The following RAB41 variants were observed in gnomAD, a reference collection of about 807,000 sequenced individuals.
RAB41 encodes the protein RAB41, member RAS oncogene family.
RAB41 carries 15 observed loss-of-function variants against 19.0 expected under a neutral mutation model. The ratio of observed to expected loss-of-function variants is 0.79; its 90% CI spans 0.53 to 1.21. The LOEUF (loss-of-function observed/expected upper bound fraction) is 1.21. Ranked by LOEUF, RAB41 falls within the 50% of genes most tolerant of loss-of-function variation. RAB41 has a pLI of 0.00. For synonymous variants in RAB41, 73 were observed against 64.7 expected, an observed-to-expected ratio of 1.13 and a Z score of -0.62; for missense variants, 177 against 179.7, an observed-to-expected ratio of 0.99 and a Z score of 0.09.
Position 70,282,347 on chromosome X carries a change from G to A in RAB41, c.124+6G>A, listed in dbSNP as rs756627314. ...ATTCCTGGGAGAGCAGAGCGGTGTG[G>A]GTCTGGGTTGGGCTTTGGGGACATG... On this transcript the variant is annotated splice_donor_region_variant and intron_variant, in intron 1 of 7. Transcript: ENST00000374473. 9 of 1,211,283 alleles carry A rather than the reference G, an allele frequency of 7.4e-6. No individual in the cohort carries two copies. Among genetic ancestry groups the A allele is most frequent in the Non-Finnish European group, 1.1e-6 (1 of 895,071 alleles).
Position 70,283,977 on chromosome X carries a change from A to C in RAB41, c.483A>C (p.Glu161Asp), listed in dbSNP as rs138151490. The part of the protein sequence containing the change: ...KRQVTAEQGE[E>D]KSRNLNVMFI... ...AAGTCACTGCAGAACAGGGTGAAGA[A>C]AAATCCAGAAACCTCAATGTGATGT... Residue 161 changes from glutamate to aspartate, a missense_variant, in exon 6 of 8, where the codon GAA becomes GAC. Coordinates refer to ENST00000374473, the MANE Select transcript of RAB41 (RefSeq NM_001363807.1). The C allele has an allele frequency of 9.9e-6, 12 of 1,207,176 alleles. No homozygotes were observed. Among genetic ancestry groups the C allele is most frequent in the Non-Finnish European group, 1.3e-5 (12 of 892,682 alleles).
intron 6 of RAB41, 29 bp downstream of exon 6, chrX:70,284,072 T>C: frequency 1.9e-6 from 2 of 1,061,114 alleles, no homozygotes; most frequent in Non-Finnish European, 2.6e-6. Flanking sequence ...TATGATACTT[T>C]AATTGTGCTC....
rs2085691781 is a variant in RAB41 at position 70,282,342 on chromosome X, G to C, written c.124+1G>C. 8.3e-7 allele frequency: 1 copy of C among 1,209,955 alleles called. No individual in the cohort carries two copies. Among genetic ancestry groups the C allele is most frequent in the Non-Finnish European group, 1.1e-6 (1 of 895,059 alleles). ...CTCTTATTCCTGGGAGAGCAGAGCG[G>C]TGTGGGTCTGGGTTGGGCTTTGGGG... is the stretch of plus-strand genomic sequence containing the variant. On this transcript the variant is annotated splice_donor_variant, in intron 1 of 7. Transcript: ENST00000374473. LOFTEE classifies it high-confidence loss of function.
intron 2 of RAB41, 55 bp downstream of exon 2, chrX:70,282,646 C>T (rs777026244): frequency 8.3e-5 from 94 of 1,127,067 alleles, no homozygotes; most frequent in Non-Finnish European, 1.1e-4. Flanking sequence ...TTGGCGGACT[C>T]ACCTGGAGAT....
rs769276079 is a variant in RAB41 at position 70,283,519 on chromosome X, A to G, written c.350A>G (p.Asn117Ser). ...GGAACATATTCTCTTGCAGACATCA[A>G]TTCTTTTAAGGAGACAGATAAGTGG... ...AVVVYDITNI[N>S]SFKETDKWVE... Residue 117 changes from asparagine (N) to serine (S), a missense_variant, in exon 5 of 8, where the codon AAT becomes AGT. Asn to Ser is a conservative substitution (Grantham distance 46, BLOSUM62 1). Coordinates refer to ENST00000374473, the MANE Select transcript of RAB41 (RefSeq NM_001363807.1). The G allele has an allele frequency of 7.5e-6, 9 of 1,200,321 alleles. No homozygotes were observed. Among genetic ancestry groups the G allele is most frequent in the African/African-American group, 5.3e-5 (3 of 57,122 alleles).
Position 70,284,780 on chromosome X carries a change from C to T in RAB41, c.*137C>T. 1.9e-6 allele frequency: 1 copy of T among 515,325 alleles called. No homozygotes were observed. The highest frequency in any genetic ancestry group is 3.4e-6 in the Non-Finnish European group (1 of 296,682). 42.5% of individuals were successfully genotyped at this position (515,325 alleles called of 1,213,427 possible). A position where few individuals can be genotyped will look rare whatever the true frequency, so the allele number is the denominator to read the frequency against. On this transcript the variant is annotated 3_prime_UTR_variant, in exon 8 of 8. Coordinates refer to ENST00000374473, the MANE Select transcript of RAB41 (RefSeq NM_001363807.1). ...TCCTAGGCTTGGGGTAAAAACAGAA[C>T]CCCTGAAAGTGCTATCATTTTTTCC...
chrX:70,282,753 A>G, intron 2 of RAB41, 49 bp from the exon 3 acceptor site: 2 of 1,166,918 alleles, frequency 1.7e-6, no homozygotes, highest in Non-Finnish European at 2.3e-6. Context: ...AGACTGCCTC[A>G]TATTGGGAAT....
At position 70,284,909 on chromosome X, in the gene RAB41, A is replaced by G; in HGVS notation, c.*266A>G. On this transcript the variant is annotated 3_prime_UTR_variant, in exon 8 of 8. Transcript: ENST00000374473. ...AGACATCTGTAGAGAATACAGTTCTACAGCAGCTGACATACTTCAAAGGCC... is the reference window on the plus strand; with the variant it reads ...AGACATCTGTAGAGAATACAGTTCTGCAGCAGCTGACATACTTCAAAGGCC... 1 of 377,385 alleles carries G rather than the reference A, an allele frequency of 2.6e-6. No homozygotes were observed. Among genetic ancestry groups the G allele is most frequent in the Non-Finnish European group, 4.7e-6 (1 of 214,284 alleles). 31.1% of individuals were successfully genotyped at this position (377,385 alleles called of 1,213,427 possible). A position where few individuals can be genotyped will look rare whatever the true frequency, so the allele number is the denominator to read the frequency against.
Position 70,284,714 on chromosome X carries a change from C to A in RAB41, c.*71C>A. 1 of 885,353 alleles carries A rather than the reference C, an allele frequency of 1.1e-6. No homozygotes were observed. 73.0% of individuals were successfully genotyped at this position (885,353 alleles called of 1,213,427 possible). On this transcript the variant is annotated 3_prime_UTR_variant, in exon 8 of 8. Coordinates refer to ENST00000374473, the MANE Select transcript of RAB41 (RefSeq NM_001363807.1). ...GGCTTGCCATACCAGTTCTCCTCCC[C>A]ACCTCGTTTTATGATACATGGCCAC...
chrX:70,284,748 T>G lies in RAB41; in HGVS notation c.*105T>G. ...TTATGATACATGGCCACTTACTCTC[T>G]TCCAATTCCTAGGCTTGGGGTAAAA... On this transcript the variant is annotated 3_prime_UTR_variant, in exon 8 of 8. Transcript: ENST00000374473. 1 of 629,577 alleles carries G rather than the reference T, an allele frequency of 1.6e-6. No individual in the cohort carries two copies. The highest frequency in any genetic ancestry group is 2.6e-6 in the Non-Finnish European group (1 of 380,745). The allele number at this position is 629,577 out of a possible 1,213,427, so 51.9% of individuals were successfully genotyped here.
chrX:70,282,572 G>A lies in RAB41; in HGVS notation c.164G>A (p.Ser55Asn). Residue 55 changes from serine (S) to asparagine (N), a missense_variant, in exon 2 of 8, where the codon AGC becomes AAC. Transcript: ENST00000374473. ...ATCATCAGCCGCTTCATGTACAACA[G>A]CTTCGGCTGCGCCTGCCAGGTAAGA... is the stretch of plus-strand genomic sequence containing the variant. ...TSIISRFMYN[S>N]FGCACQATVG... 5.0e-6 allele frequency: 6 copies of A among 1,210,847 alleles called. No individual in the cohort carries two copies. Among genetic ancestry groups the A allele is most frequent in the Non-Finnish European group, 6.7e-6 (6 of 894,808 alleles).
Position 70,283,985 on chromosome X carries a change from G to C in RAB41, c.491G>C (p.Arg164Thr). 1 of 1,209,417 alleles carries C rather than the reference G, an allele frequency of 8.3e-7. No homozygotes were observed. Among genetic ancestry groups the C allele is most frequent in the Non-Finnish European group, 1.1e-6 (1 of 893,402 alleles). The change falls in exon 6 of 8, where the codon AGA becomes ACA. Residue 164 changes from arginine to threonine, a missense_variant. Transcript: ENST00000374473. ...GCAGAACAGGGTGAAGAAAAATCCA[G>C]AAACCTCAATGTGATGTTTATTGAG... ...VTAEQGEEKS[R>T]NLNVMFIETS...
chrX:70,284,415 C>T (rs2085707041), intron 7 of RAB41, 86 bp downstream of exon 7: 7 of 1,046,037 alleles, frequency 6.7e-6, no homozygotes, highest in Non-Finnish European at 9.3e-6. Context: ...CTGAGTGGTA[C>T]CTAAGGGGAA....
rs1372375188 is a variant in RAB41, at chrX:70,284,913, C to T, written c.*270C>T. The T allele has an allele frequency of 2.7e-6, 1 of 374,695 alleles. No homozygotes were observed. Among genetic ancestry groups the T allele is most frequent in the Non-Finnish European group, 4.7e-6 (1 of 213,463 alleles). 30.9% of individuals were successfully genotyped at this position (374,695 alleles called of 1,213,427 possible). ...ATCTGTAGAGAATACAGTTCTACAG[C>T]AGCTGACATACTTCAAAGGCCAATA... On this transcript the variant is annotated 3_prime_UTR_variant, in exon 8 of 8. Transcript: ENST00000374473.
rs748630818 is a variant in RAB41, at chrX:70,283,923, C to T, written c.456-27C>T. 4 of 1,077,618 alleles carry T rather than the reference C, an allele frequency of 3.7e-6. No individual in the cohort carries two copies. In the South Asian group the frequency reaches 7.5e-5, roughly 20 times the overall value. 88.8% of individuals were successfully genotyped at this position (1,077,618 alleles called of 1,213,427 possible). ...TCTATCCATATCCAATAACTCTGGC[C>T]CTTTTCATCATTTCTGATTCGTCCA... On this transcript the variant is annotated intron_variant, in intron 5 of 7. Transcript: ENST00000374473.
At chrX:70,284,227 C>T (rs80096216) in intron 6 of RAB41, 39 bp from the exon 7 acceptor site, 5 of 923,306 alleles carry the variant, frequency 5.4e-6, no homozygotes, top group African/African-American at 2.1e-5. Flanking sequence ...TTTTTTTCCC[C>T]TTTTTTTTTT....
At position 70,282,846 on chromosome X, in the gene RAB41, G is replaced by A. The variant is rs765667523; in HGVS notation, c.228G>A (p.Glu76=). The A allele has an allele frequency of 2.5e-6, 3 of 1,204,397 alleles. No homozygotes were observed. Among genetic ancestry groups the A allele is most frequent in the Non-Finnish European group, 3.4e-6 (3 of 888,808 alleles). ...IDFLSKTMYL[E]DQIVQLQLWD... ...TCTTGTCTAAGACCATGTACTTGGA[G>A]GACCAAATAGTGAGTGTTAACTCTC... is the stretch of plus-strand genomic sequence containing the variant. Residue 76 remains glutamate, a synonymous_variant, in exon 3 of 8, where the codon GAG becomes GAA. Transcript: ENST00000374473.
rs547951138 is a variant in RAB41, at chrX:70,283,770, G to A, written c.455+146G>A. 56 of 536,394 alleles carry A rather than the reference G, an allele frequency of 1.0e-4. 1 individual carries two copies. In the Middle Eastern group the frequency reaches 2.0e-3, roughly 19 times the overall value. The allele number at this position is 536,394 out of a possible 1,213,427, so 44.2% of individuals were successfully genotyped here. On this transcript the variant is annotated intron_variant, in intron 5 of 7. Transcript: ENST00000374473. Reference sequence around the variant, plus strand: ...TGCAGGATGGGAAGGACAGGGGGGCGTCCCATCAGGGCACAAGGATATGTT... The same window carrying A: ...TGCAGGATGGGAAGGACAGGGGGGCATCCCATCAGGGCACAAGGATATGTT...
chrX:70,284,209 T>C, intron 6 of RAB41, 57 bp from the exon 7 acceptor site: 1 of 1,165,880 alleles, frequency 8.6e-7, no homozygotes, highest in East Asian at 3.0e-5. Context: ...CCTCTGAACC[T>C]GACCTTTTTT....
Sources: allele counts gnomAD v4.1 joint callset, GRCh38; gene constraint gnomAD v4.1.1; transcripts MANE v1.5; gene names NCBI Gene and HGNC (gene_info 2026-07-23, HGNC 2026-07-21).